The following PCDHA8 variants were observed in gnomAD, a reference collection of about 807,000 sequenced individuals.
PCDHA8 encodes protocadherin alpha 8, also known as protocadherin alpha-8.
PCDHA8 carries 53 observed loss-of-function variants against 61.8 expected under a neutral mutation model. That is an observed-to-expected ratio of 0.86 (90% confidence interval 0.69 to 1.08). PCDHA8 has a LOEUF of 1.08. PCDHA8 is among the 50% of genes least tolerant of loss of function. The pLI, the probability that PCDHA8 is intolerant of heterozygous loss-of-function variation, is 0.00. For missense variants in PCDHA8, 1,293 were observed against 1,245.0 expected, an observed-to-expected ratio of 1.04 and a Z score of -0.58; for synonymous variants, 618 against 556.6, an observed-to-expected ratio of 1.11 and a Z score of -1.55.
intron 3 of PCDHA8, among the ~76,000 whole-genome samples, chr5:140,987,146 G>A (rs942853645): frequency 1.3e-5 from 2 of 151,812 alleles, no homozygotes; most frequent in Non-Finnish European, 2.9e-5. Flanking sequence ...CTCGGGAGGT[G>A]GAGGTTGCAG....
chr5:140,869,283 G>A, intron 1 of PCDHA8: 2 of 1,613,602 alleles, frequency 1.2e-6, no homozygotes, highest in Non-Finnish European at 1.7e-6. Flanking sequence ...CGGAGCTGGT[G>A]CAGCGCCTGT....
At chr5:140,995,946 C>A (rs2097705145) in intron 3 of PCDHA8, among the ~76,000 whole-genome samples, 1 of 152,192 alleles carries the variant, frequency 6.6e-6, no homozygotes, top group South Asian at 2.1e-4. Flanking sequence ...TGACATAATG[C>A]ACGCAAAATG....
Position 140,896,173 on chromosome 5 carries a change from TTGCTATTGTGAATAG to T in PCDHA8, c.2394+52462_2394+52476del, listed in dbSNP as rs1554186855. On this transcript the variant is annotated intron_variant, in intron 1 of 3. Transcript: ENST00000531613. ...GGGCATTTAGGATTATTCTCTGTCT[TTGCTATTGTGAATAG>T]TGCCATGATGAACATACACATACAT... 2.6e-4 allele frequency among the ~76,000 whole-genome samples: 40 copies of T among 152,340 alleles called. 1 individual carries two copies. The East Asian group carries it at 5.2e-3, about 20-fold the overall frequency.
intron 2 of PCDHA8, among the ~76,000 whole-genome samples, chr5:140,980,357 C>T (rs191882864): frequency 1.6e-3 from 239 of 152,238 alleles, no homozygotes; most frequent in Middle Eastern, 6.8e-3. Flanking sequence ...CTGGACTGGG[C>T]GCGGTGGCTC....
chr5:140,923,343 T>C (rs1251719779), intron 1 of PCDHA8, among the ~76,000 whole-genome samples: 1 of 152,122 alleles, frequency 6.6e-6, no homozygotes, highest in African/African-American at 2.4e-5. Flanking sequence ...TTGGGCAACA[T>C]AGTGGGACCC....
intron 1 of PCDHA8, among the ~76,000 whole-genome samples, chr5:140,941,211 C>CT (rs59928198): frequency 0.24 from 30,589 of 127,372 alleles, 3,669 homozygotes; most frequent in South Asian, 0.38. Context: ...TCCTTTCTTT[C>CT]TTCCTTTCTT....
At chr5:140,882,699 A>C in intron 1 of PCDHA8, 3 of 1,614,184 alleles carry the variant, frequency 1.9e-6, no homozygotes, top group South Asian at 1.1e-5. Context: ...ATCATTGCAG[A>C]ATCTAGACCT....
chr5:140,901,829 T>C (rs1449316816), intron 1 of PCDHA8, among the ~76,000 whole-genome samples: 1 of 152,230 alleles, frequency 6.6e-6, no homozygotes, highest in African/African-American at 2.4e-5. Flanking sequence ...TTCCAGTCCA[T>C]AAACATGCAA....
intron 1 of PCDHA8, among the ~76,000 whole-genome samples, chr5:140,915,115 A>T (rs2076990702): frequency 1.3e-5 from 2 of 151,346 alleles, no homozygotes; most frequent in African/African-American, 4.9e-5. Context: ...CACCCACCTA[A>T]TTTTTATATT....
At chr5:140,906,982 G>A (rs1298159889) in intron 1 of PCDHA8, among the ~76,000 whole-genome samples, 3 of 152,140 alleles carry the variant, frequency 2.0e-5, no homozygotes, top group African/African-American at 7.2e-5. Flanking sequence ...TCTTCTGGTG[G>A]CAGCATTCCT....
rs59031154 is a variant in PCDHA8 at position 140,884,790 on chromosome 5, T to C, written c.2394+41075T>C. ...TTAATTTTAATTTTGCTAGTTGTTATCGAATTTAACAACTCTGCTGTGGAC... is the reference window on the plus strand; with the variant it reads ...TTAATTTTAATTTTGCTAGTTGTTACCGAATTTAACAACTCTGCTGTGGAC... On this transcript the variant is annotated intron_variant, in intron 1 of 3. Transcript: ENST00000531613. 1.6e-3 allele frequency: 2,209 copies of C among 1,352,036 alleles called. 33 individuals are homozygous for C. In the African/African-American group the frequency reaches 0.03, roughly 18 times the overall value. The allele number at this position is 1,352,036 out of a possible 1,614,324, so 83.8% of individuals were successfully genotyped here.
chr5:140,876,376 A>G (rs2056310624), intron 1 of PCDHA8: 1 of 1,613,840 alleles, frequency 6.2e-7, no homozygotes, highest in African/African-American at 1.3e-5. Flanking sequence ...CACAGGTGAA[A>G]TTAGAATTTA....
At chr5:140,976,594 T>C (rs2096724606) in intron 1 of PCDHA8, among the ~76,000 whole-genome samples, 1 of 152,146 alleles carries the variant, frequency 6.6e-6, no homozygotes, top group Non-Finnish European at 1.5e-5. Flanking sequence ...ACTTTTGTGT[T>C]AAGGGGACCT....
At chr5:140,910,074 G>T (rs2074869064) in intron 1 of PCDHA8, among the ~76,000 whole-genome samples, 1 of 152,162 alleles carries the variant, frequency 6.6e-6, no homozygotes, top group South Asian at 2.1e-4. Context: ...AGCGTAAATT[G>T]TTGTCAAGGG....
intron 3 of PCDHA8, among the ~76,000 whole-genome samples, chr5:140,992,394 G>A (rs1338899804): frequency 2.0e-5 from 3 of 152,170 alleles, no homozygotes; most frequent in African/African-American, 7.2e-5. Flanking sequence ...TCTGGACTTA[G>A]AGATATTGTT....
In PCDHA8 at chr5:140,979,008, G is replaced by T; in HGVS notation, c.2453+1G>T. 1 of 1,613,990 alleles carries T rather than the reference G, an allele frequency of 6.2e-7. No individual in the cohort carries two copies. The highest frequency in any genetic ancestry group is 1.3e-5 in the African/African-American group (1 of 75,044). ...CCTCCCTGAGAGCAGGCATGCACAG[G>T]TATGTATTTCCCTCCTCATTCACTC... On this transcript the variant is annotated splice_donor_variant, in intron 2 of 3. Transcript: ENST00000531613. LOFTEE classifies it high-confidence loss of function.
intron 1 of PCDHA8, chr5:140,851,075 A>C: frequency 7.4e-7 from 1 of 1,344,688 alleles, no homozygotes; most frequent in South Asian, 2.1e-5. Flanking sequence ...GAGAATTATA[A>C]ACTGTATATT....
intron 1 of PCDHA8, chr5:140,877,832 C>T (rs782156769): frequency 1.9e-6 from 3 of 1,591,692 alleles, no homozygotes; most frequent in African/African-American, 2.7e-5. Flanking sequence ...TTAAATCCTC[C>T]CAGTGAAGTA....
intron 1 of PCDHA8, among the ~76,000 whole-genome samples, chr5:140,906,790 C>A (rs1381392314): frequency 6.6e-6 from 1 of 152,276 alleles, no homozygotes; most frequent in South Asian, 2.1e-4. Flanking sequence ...TTGTGTATTC[C>A]ATGCATACTC....
Sources: allele counts gnomAD v4.1 joint callset (sites outside exome capture counted in the v4.1 genomes callset), GRCh38; gene constraint gnomAD v4.1.1; transcripts MANE v1.5; gene names NCBI Gene and HGNC (gene_info 2026-07-23, HGNC 2026-07-21).